The following CTNNA2 variants were observed in gnomAD, a reference collection of about 807,000 sequenced individuals.
CTNNA2 encodes catenin alpha-2.
Under a neutral mutation model 101.0 loss-of-function variants are expected in CTNNA2, and 42 were observed. That is an observed-to-expected ratio of 0.42 (90% confidence interval 0.32 to 0.54). CTNNA2 has a LOEUF of 0.54. Ranked by LOEUF, CTNNA2 falls within the 20% of genes least tolerant of loss-of-function variation. The pLI is 0.14. For synonymous variants in CTNNA2, 450 were observed against 456.4 expected (o/e 0.99, Z 0.18); for missense variants, 871 against 1,223.1 (o/e 0.71, Z 4.29).
intron 9 of CTNNA2, among the ~76,000 whole-genome samples, chr2:80,428,961 G>T (rs1340449277): frequency 6.6e-6 from 1 of 151,832 alleles, no homozygotes; most frequent in Non-Finnish European, 1.5e-5. Context: ...AATAATATTT[G>T]AACTACAACT....
chr2:79,214,640 G>A (rs1674222743), intron 2 of CTNNA2, among the ~76,000 whole-genome samples: 2 of 152,030 alleles, frequency 1.3e-5, no homozygotes, highest in South Asian at 2.1e-4. Context: ...GGAAGGAGTA[G>A]AGATGTCCTA....
chr2:79,500,858 C>G (rs1284429903), intron 4 of CTNNA2: 1 of 152,268 alleles, frequency 6.6e-6, no homozygotes, highest in East Asian at 1.9e-4. Flanking sequence ...GTCATGGTTT[C>G]AGCACTGTCT....
At chr2:79,503,122 T>C (rs1671338995) in intron 4 of CTNNA2, among the ~76,000 whole-genome samples, 1 of 152,156 alleles carries the variant, frequency 6.6e-6, no homozygotes, top group Non-Finnish European at 1.5e-5. Flanking sequence ...GCCATTTATT[T>C]TGGGTATTTC....
chr2:80,554,133 A>G (rs1013063189), intron 11 of CTNNA2, among the ~76,000 whole-genome samples: 3 of 152,128 alleles, frequency 2.0e-5, no homozygotes, highest in African/African-American at 7.2e-5. Flanking sequence ...ATAACTTGCA[A>G]TTTTCTATCC....
intron 9 of CTNNA2, among the ~76,000 whole-genome samples, chr2:80,424,563 T>C (rs1410870643): frequency 6.6e-6 from 1 of 152,138 alleles, no homozygotes; most frequent in Non-Finnish European, 1.5e-5. Flanking sequence ...TATTTTCTGT[T>C]GGGCAGCAGA....
chr2:79,398,954 G>C (rs1678260796), intron 4 of CTNNA2, among the ~76,000 whole-genome samples: 1 of 151,952 alleles, frequency 6.6e-6, no homozygotes, highest in Non-Finnish European at 1.5e-5. Context: ...TAGTGACCTT[G>C]AAAACCAACA....
intron 7 of CTNNA2, among the ~76,000 whole-genome samples, chr2:80,274,906 C>G (rs150305778): frequency 1.3e-5 from 2 of 152,134 alleles, no homozygotes; most frequent in African/African-American, 4.8e-5. Flanking sequence ...TTGCGACTGA[C>G]CTTATCATAC....
At chr2:79,941,459 G>T (rs1327656266) in intron 7 of CTNNA2, among the ~76,000 whole-genome samples, 3 of 152,100 alleles carry the variant, frequency 2.0e-5, no homozygotes, top group South Asian at 4.2e-4. Context: ...CACCTAGAGT[G>T]CTACTTGATG....
chr2:80,527,217 A>T (rs1024196325), intron 9 of CTNNA2, among the ~76,000 whole-genome samples: 1 of 152,232 alleles, frequency 6.6e-6, no homozygotes, highest in Non-Finnish European at 1.5e-5. Context: ...TGATGACATG[A>T]GGATAATTTT....
intron 7 of CTNNA2, among the ~76,000 whole-genome samples, chr2:80,344,678 G>T (rs1321394744): frequency 1.3e-5 from 2 of 152,106 alleles, no homozygotes; most frequent in Non-Finnish European, 2.9e-5. Context: ...TAGATGTGGT[G>T]TTTCTCCATG....
chr2:79,705,010 G>A (rs1390932950), intron 2 of CTNNA2, among the ~76,000 whole-genome samples: 1 of 152,096 alleles, frequency 6.6e-6, no homozygotes, highest in Admixed American at 6.5e-5. Context: ...CGCCACCACT[G>A]GGGACATTTG....
Position 80,090,570 on chromosome 2 carries a change from A to C in CTNNA2, c.1056+180773A>C, listed in dbSNP as rs559043330. Among the ~76,000 whole-genome samples the C allele has an allele frequency of 1.8e-4, 28 of 152,158 alleles. No homozygotes were observed. The South Asian group carries it at 5.8e-3, about 32-fold the overall frequency. ...AAGTGGCTCATGGGGCTCTTTCCAAATTGAGTTAGGATGTGTGTTCAGTTC... is the reference window on the plus strand; with the variant it reads ...AAGTGGCTCATGGGGCTCTTTCCAACTTGAGTTAGGATGTGTGTTCAGTTC... On this transcript the variant is annotated intron_variant, in intron 7 of 18. Coordinates refer to ENST00000402739, the MANE Select transcript of CTNNA2 (RefSeq NM_001282597.3).
At chr2:79,343,968 A>C (rs1425216826) in intron 3 of CTNNA2, among the ~76,000 whole-genome samples, 1 of 152,182 alleles carries the variant, frequency 6.6e-6, no homozygotes, top group Non-Finnish European at 1.5e-5. Context: ...GTACGGATCT[A>C]AGATCCAAAA....
intron 7 of CTNNA2, among the ~76,000 whole-genome samples, chr2:79,973,028 G>A (rs1690593712): frequency 6.6e-6 from 1 of 152,046 alleles, no homozygotes; most frequent in South Asian, 2.1e-4. Context: ...AATTTCCATT[G>A]AGAGAGAGAA....
intron 3 of CTNNA2, among the ~76,000 whole-genome samples, chr2:79,356,532 G>A (rs1048866151): frequency 2.0e-5 from 3 of 152,156 alleles, no homozygotes; most frequent in African/African-American, 7.2e-5. Context: ...AAGTTAAGTG[G>A]TGTGTTTTGC....
intron 4 of CTNNA2, among the ~76,000 whole-genome samples, chr2:79,866,191 G>A (rs936406278): frequency 2.6e-5 from 4 of 152,220 alleles, no homozygotes; most frequent in Admixed American, 2.6e-4. Context: ...AAAAGGCCAA[G>A]ATTTTAAGAG....
At chr2:79,492,911 AAATC>A (rs1671218450) in intron 4 of CTNNA2, among the ~76,000 whole-genome samples, 1 of 152,232 alleles carries the variant, frequency 6.6e-6, no homozygotes, top group African/African-American at 2.4e-5. Context: ...TTAATATCTG[AAATC>A]AATCAATGTA....
At chr2:80,094,057 G>A (rs1311292132) in intron 7 of CTNNA2, among the ~76,000 whole-genome samples, 3 of 152,242 alleles carry the variant, frequency 2.0e-5, no homozygotes, top group East Asian at 1.9e-4. Context: ...TGCTTTTGGT[G>A]TTTTAGACAT....
At chr2:80,247,389 C>T (rs1335646155) in intron 7 of CTNNA2, among the ~76,000 whole-genome samples, 1 of 152,134 alleles carries the variant, frequency 6.6e-6, no homozygotes, top group Non-Finnish European at 1.5e-5. Context: ...AGCAATTAAC[C>T]TCTCAGACAT....
Sources: allele counts gnomAD v4.1 joint callset (sites outside exome capture counted in the v4.1 genomes callset), GRCh38; gene constraint gnomAD v4.1.1; transcripts MANE v1.5; gene names NCBI Gene and HGNC (gene_info 2026-07-23, HGNC 2026-07-21).